Variants in LIPI observed in about 807,000 individuals in gnomAD.
LIPI encodes lipase member I.
LIPI carries 59 observed loss-of-function variants against 50.6 expected under a neutral mutation model. The observed-to-expected ratio is 1.16, with a 90% CI of 0.94 to 1.45. The LOEUF (loss-of-function observed/expected upper bound fraction) is 1.45. Among genes scored for constraint, LIPI ranks in the 40% most tolerant of loss-of-function variants. LIPI has a pLI of 0.00. For synonymous variants in LIPI, 203 were observed against 178.2 expected, an observed-to-expected ratio of 1.14 and a Z score of -1.11; for missense variants, 586 against 536.3, an observed-to-expected ratio of 1.09 and a Z score of -0.92.
At chr21:14,122,734 C>T (rs1257221939) in intron 9 of LIPI, among the ~76,000 whole-genome samples, 1 of 152,092 alleles carries the variant, frequency 6.6e-6, no homozygotes, top group Non-Finnish European at 1.5e-5. Flanking sequence ...ACATGCAACC[C>T]CCTTAATTTG....
chr21:14,142,602 C>A (rs2017752880), intron 9 of LIPI, among the ~76,000 whole-genome samples: 1 of 151,308 alleles, frequency 6.6e-6, no homozygotes, highest in Admixed American at 6.6e-5. Flanking sequence ...CCCACCTCAG[C>A]CTCCTTAGCA....
At chr21:14,156,999 G>T (rs2018297077) in intron 7 of LIPI, among the ~76,000 whole-genome samples, 1 of 151,838 alleles carries the variant, frequency 6.6e-6, no homozygotes, top group Non-Finnish European at 1.5e-5. Context: ...CTACATCGTG[G>T]CAGGTAGCTT....
At chr21:14,161,537 C>A (rs2018465657) in intron 7 of LIPI, among the ~76,000 whole-genome samples, 1 of 120,740 alleles carries the variant, frequency 8.3e-6, no homozygotes, top group Non-Finnish European at 1.6e-5. Context: ...ATATAATATC[C>A]ATATCTATTA....
chr21:14,175,872 A>G (rs2019074753), intron 4 of LIPI, among the ~76,000 whole-genome samples: 1 of 151,938 alleles, frequency 6.6e-6, no homozygotes, highest in South Asian at 2.1e-4. Context: ...TGTTCCTTTC[A>G]TTGTATGGAA....
chr21:14,189,406 T>G lies in LIPI; in HGVS notation c.60A>C (p.Pro20=), dbSNP rs1248970152. 6.2e-7 allele frequency: 1 copy of G among 1,612,608 alleles called. No individual in the cohort carries two copies. The highest frequency in any genetic ancestry group is 1.3e-5 in the African/African-American group (1 of 74,912). ...MCWVRSDNKR[P]CLEFSQLSVK... is the part of the protein sequence containing the mutation. ...CACTTAGCTGAGAGAATTCAAGGCA[T>G]GGTCTTTTATTATCTGAAATAAGAA... is the stretch of plus-strand genomic sequence containing the variant. The change falls in exon 2 of 10, where the codon CCA becomes CCC. Residue 20 remains proline, a synonymous_variant. Coordinates refer to ENST00000681601, the MANE Select transcript of LIPI (RefSeq NM_001302998.2).
chr21:14,204,628 C>A (rs1393840413), intron 1 of LIPI, among the ~76,000 whole-genome samples: 1 of 151,526 alleles, frequency 6.6e-6, no homozygotes, highest in South Asian at 2.1e-4. Flanking sequence ...TGAAACAGAA[C>A]CAAAAATAGT....
chr21:14,133,075 A>C (rs1442989271), intron 9 of LIPI, among the ~76,000 whole-genome samples: 5 of 152,194 alleles, frequency 3.3e-5, no homozygotes, highest in African/African-American at 1.2e-4. Context: ...ATTCTACCAA[A>C]CACACAAGAA....
At chr21:14,205,920 C>T (rs986669496) in intron 1 of LIPI, among the ~76,000 whole-genome samples, 4 of 151,968 alleles carry the variant, frequency 2.6e-5, no homozygotes, top group Non-Finnish European at 4.4e-5. Flanking sequence ...CTAGCAGGTA[C>T]ATAATATAGA....
chr21:14,122,300 A>G (rs2263412), intron 9 of LIPI, among the ~76,000 whole-genome samples: 99,402 of 152,086 alleles, frequency 0.65, 32,862 homozygotes, highest in East Asian at 0.94. Flanking sequence ...TACTCTGTCT[A>G]TGACCCAAGT....
intron 9 of LIPI, among the ~76,000 whole-genome samples, chr21:14,136,479 T>C (rs1276034129): frequency 6.6e-6 from 1 of 152,176 alleles, no homozygotes; most frequent in Non-Finnish European, 1.5e-5. Context: ...GAGGCTCCCC[T>C]GTCTTTGGAA....
chr21:14,189,113 G>A lies in LIPI; in HGVS notation c.353C>T (p.Thr118Ile). 6.2e-7 allele frequency: 1 copy of A among 1,613,318 alleles called. No homozygotes were observed. ...AACTGCTCTATTATAAATAAAAGTT[G>A]TAGCACCCCGGCTCCAGTCTACTAC... ...VIVVDWSRGA[T>I]TFIYNRAVKN... Residue 118 changes from threonine (T) to isoleucine (I), a missense_variant, in exon 2 of 10, where the codon ACA becomes ATA. By Grantham distance (89) the Thr-to-Ile change is moderately conservative. Coordinates refer to ENST00000681601, the MANE Select transcript of LIPI (RefSeq NM_001302998.2).
chr21:14,197,848 A>G (rs893973788), intron 1 of LIPI, among the ~76,000 whole-genome samples: 4 of 150,982 alleles, frequency 2.6e-5, no homozygotes, highest in African/African-American at 7.3e-5. Context: ...ATGAAAAAAA[A>G]AAATGTTAAA....
intron 9 of LIPI, among the ~76,000 whole-genome samples, chr21:14,127,196 T>C (rs959927136): frequency 1.3e-5 from 2 of 152,218 alleles, no homozygotes; most frequent in Non-Finnish European, 2.9e-5. Flanking sequence ...TAGTTTAATC[T>C]GGACCATAAG....
intron 9 of LIPI, among the ~76,000 whole-genome samples, chr21:14,120,920 C>G (rs2016838288): frequency 6.6e-6 from 1 of 152,214 alleles, no homozygotes; most frequent in Non-Finnish European, 1.5e-5. Flanking sequence ...CAGTGTGTTA[C>G]TTGCATCCAG....
At chr21:14,126,148 A>T (rs979098825) in intron 9 of LIPI, among the ~76,000 whole-genome samples, 4 of 152,192 alleles carry the variant, frequency 2.6e-5, no homozygotes, top group African/African-American at 9.7e-5. Flanking sequence ...GCAGTTTCTT[A>T]TAAAGTTCAA....
At chr21:14,145,075 T>A (rs558406598) in intron 8 of LIPI, among the ~76,000 whole-genome samples, 1 of 152,292 alleles carries the variant, frequency 6.6e-6, no homozygotes, top group Non-Finnish European at 1.5e-5. Context: ...TGAGTAGATG[T>A]CTAGATTTTA....
At chr21:14,111,811 A>G (rs911616219) in intron 9 of LIPI, among the ~76,000 whole-genome samples, 1 of 151,758 alleles carries the variant, frequency 6.6e-6, no homozygotes, top group Non-Finnish European at 1.5e-5. Flanking sequence ...TTGGCATGTG[A>G]CTATACAGTT....
chr21:14,186,100 T>C (rs372720800), intron 2 of LIPI, 31 bp from the exon 3 acceptor site: 12 of 1,179,098 alleles, frequency 1.0e-5, no homozygotes, highest in East Asian at 9.4e-5. Flanking sequence ...AATATTACAG[T>C]ATTCATTTCA....
intron 8 of LIPI, 87 bp downstream of exon 8, chr21:14,152,486 T>A: frequency 1.5e-6 from 1 of 682,644 alleles, no homozygotes; most frequent in South Asian, 1.7e-5. Flanking sequence ...AAAAATAAAC[T>A]ACACTATTTA....
Sources: gnomAD v4.1 joint callset for allele counts (sites outside exome capture counted in the v4.1 genomes callset) on GRCh38, gnomAD v4.1.1 for gene constraint, MANE v1.5 for transcripts, NCBI Gene and HGNC (gene_info 2026-07-23, HGNC 2026-07-21) for gene names.